BRSK2: variants seen among roughly 807,000 people sequenced by gnomAD.
The protein encoded by BRSK2 is BR serine/threonine kinase 2, also known as serine/threonine-protein kinase BRSK2.
BRSK2 carries 19 observed loss-of-function variants against 83.3 expected under a neutral mutation model. The observed-to-expected ratio is 0.23, with a 90% CI of 0.16 to 0.33. The LOEUF (loss-of-function observed/expected upper bound fraction) is 0.33. Ranked by LOEUF, BRSK2 falls within the 10% of genes least tolerant of loss-of-function variation. BRSK2 has a pLI of 1.00. For missense variants in BRSK2, 798 were observed against 1,042.3 expected (o/e 0.77, Z 3.23); for synonymous variants, 519 against 435.4 (o/e 1.19, Z -2.39).
chr11:1,459,933 G>A (rs956985910), intron 19 of BRSK2, among the ~76,000 whole-genome samples: 1 of 152,164 alleles, frequency 6.6e-6, no homozygotes, highest in Non-Finnish European at 1.5e-5. Flanking sequence ...AGGTGTGGTG[G>A]GCACACCCTC....
At chr11:1,429,151 GGT>G (rs748346531) in intron 1 of BRSK2, among the ~76,000 whole-genome samples, 37 of 148,140 alleles carry the variant, frequency 2.5e-4, no homozygotes, top group Non-Finnish European at 4.1e-4. Context: ...CGTGTGCATG[GGT>G]GTGTGTGCAC....
At chr11:1,421,930 G>A (rs1036162197) in intron 1 of BRSK2, among the ~76,000 whole-genome samples, 6 of 151,524 alleles carry the variant, frequency 4.0e-5, no homozygotes, top group Non-Finnish European at 5.9e-5. Flanking sequence ...TGAGCACGGC[G>A]GCCTGACCAG....
intron 13 of BRSK2, among the ~76,000 whole-genome samples, 176 bp from the exon 14 acceptor site, chr11:1,450,411 A>G (rs1032698145): frequency 1.4e-4 from 22 of 152,014 alleles, no homozygotes; most frequent in Non-Finnish European, 2.6e-4. Context: ...CTGACCGACA[A>G]GCCTCTGCAG....
intron 1 of BRSK2, among the ~76,000 whole-genome samples, chr11:1,429,573 G>A (rs1348367721): frequency 6.7e-6 from 1 of 150,168 alleles, no homozygotes; most frequent in Admixed American, 6.6e-5. Flanking sequence ...TTTTGCCACT[G>A]TGCTCAGCAG....
intron 1 of BRSK2, among the ~76,000 whole-genome samples, chr11:1,404,406 C>T (rs1846692481): frequency 6.6e-6 from 1 of 152,204 alleles, no homozygotes; most frequent in African/African-American, 2.4e-5. Flanking sequence ...CCTGCCTCAG[C>T]CTCCCAGGAC....
chr11:1,454,380 C>T lies in BRSK2; in HGVS notation c.1545-105C>T, dbSNP rs530039447. 1.5e-5 allele frequency: 21 copies of T among 1,375,728 alleles called. No individual in the cohort carries two copies. In the East Asian group the frequency reaches 2.3e-4, roughly 15 times the overall value. The allele number at this position is 1,375,728 out of a possible 1,614,324, so 85.2% of individuals were successfully genotyped here. ...ACTGTGGAGACAGCCGTTTCTATCA[C>T]GAAGCGATGGAAGATTCCGCCGTTC... On this transcript the variant is annotated intron_variant, in intron 15 of 19. Coordinates refer to ENST00000528841, the MANE Select transcript of BRSK2 (RefSeq NM_001256627.2). The surrounding 1 kb of genome is among the most constrained non-coding windows in gnomAD (Gnocchi z 5.2).
chr11:1,461,126 C>A lies in BRSK2; in HGVS notation c.*403C>A. ...TCCACCCCGCGGCAGCTCCTCGCCT[C>A]AGCTCCGCACGGCCCGTGGGAGGAA... On this transcript the variant is annotated 3_prime_UTR_variant, in exon 20 of 20. Transcript: ENST00000528841. 7.7e-7 allele frequency: 1 copy of A among 1,305,086 alleles called. No homozygotes were observed. Among genetic ancestry groups the A allele is most frequent in the Non-Finnish European group, 1.0e-6 (1 of 953,388 alleles). 80.8% of individuals were successfully genotyped at this position (1,305,086 alleles called of 1,614,324 possible). A position where few individuals can be genotyped will look rare whatever the true frequency, so the allele number is the denominator to read the frequency against.
At chr11:1,424,727 C>T (rs964333261) in intron 1 of BRSK2, among the ~76,000 whole-genome samples, 7 of 138,492 alleles carry the variant, frequency 5.1e-5, no homozygotes, top group Non-Finnish European at 7.8e-5. Flanking sequence ...ACTGTTTGGA[C>T]AGAGGGAGTC....
chr11:1,421,101 G>C (rs1339263814), intron 1 of BRSK2, among the ~76,000 whole-genome samples: 3 of 152,194 alleles, frequency 2.0e-5, no homozygotes, highest in Non-Finnish European at 2.9e-5. Context: ...TGGGCTCCTG[G>C]CTTGGCTGAC....
At chr11:1,444,210 G>T (rs532248015) in intron 8 of BRSK2, among the ~76,000 whole-genome samples, 2 of 152,132 alleles carry the variant, frequency 1.3e-5, no homozygotes, top group African/African-American at 4.8e-5. Flanking sequence ...TCCAGGCAGC[G>T]TGAATAGTTC....
intron 1 of BRSK2, among the ~76,000 whole-genome samples, chr11:1,425,263 G>A (rs2132889219): frequency 6.6e-6 from 1 of 152,344 alleles, no homozygotes. Flanking sequence ...GCGTCACCCA[G>A]GGCTGCCTGA....
In BRSK2 at chr11:1,404,506, G is replaced by A. The variant is rs376815865; in HGVS notation, c.91+14131G>A. Among the ~76,000 whole-genome samples, 56 of 152,344 alleles carry A rather than the reference G, an allele frequency of 3.7e-4. 1 individual carries two copies. The highest frequency in any genetic ancestry group is 1.3e-3 in the African/African-American group (53 of 41,584). On this transcript the variant is annotated intron_variant, in intron 1 of 19. Coordinates refer to ENST00000528841, the MANE Select transcript of BRSK2 (RefSeq NM_001256627.2). ...CGTCCCTGTCCCAGCACCCAGAGGAGGTTGGGGTGGGGAAAGGTCCTCGGG... is the reference window on the plus strand; with the variant it reads ...CGTCCCTGTCCCAGCACCCAGAGGAAGTTGGGGTGGGGAAAGGTCCTCGGG...
chr11:1,390,156 C>T lies in BRSK2; in HGVS notation c.-129C>T, dbSNP rs1590270194. 1 of 275,778 alleles carries T rather than the reference C, an allele frequency of 3.6e-6. No homozygotes were observed. The highest frequency in any genetic ancestry group is 1.8e-4 in the East Asian group (1 of 5,454). 17.1% of individuals were successfully genotyped at this position (275,778 alleles called of 1,614,324 possible). A position where few individuals can be genotyped will look rare whatever the true frequency, so the allele number is the denominator to read the frequency against. On this transcript the variant is annotated 5_prime_UTR_variant, in exon 1 of 20. Coordinates refer to ENST00000528841, the MANE Select transcript of BRSK2 (RefSeq NM_001256627.2). This position sits in a 1 kb window ranked among gnomAD's most constrained non-coding sequence, Gnocchi z 6.8. ...GCGGGCGGACGCGGGCGGCGCGAAG[C>T]AGCGGGGCCCGCGGGGGCGCCCCGG...
chr11:1,395,550 C>T (rs368618193), intron 1 of BRSK2, among the ~76,000 whole-genome samples: 25 of 152,176 alleles, frequency 1.6e-4, no homozygotes, highest in East Asian at 9.7e-4. Context: ...TTCCCCTAGG[C>T]GGGGGCGGGA....
intron 1 of BRSK2, among the ~76,000 whole-genome samples, chr11:1,406,101 G>A (rs372612653): frequency 1.9e-4 from 29 of 152,002 alleles, no homozygotes; most frequent in African/African-American, 4.8e-4. Flanking sequence ...CTCGGCCAGC[G>A]GCTCCTCCTG....
In BRSK2 at chr11:1,445,656, C is replaced by G; in HGVS notation, c.1063C>G (p.Arg355Gly). ...CCAGGAGGATGAGGACCTGCCCCCCCGGAACGAGATAGGTATGGGTCCAGG... is the reference window on the plus strand; with the variant it reads ...CCAGGAGGATGAGGACCTGCCCCCCGGGAACGAGATAGGTATGGGTCCAGG... ...PSQEDEDLPPRNEIDPPRKRV... is the reference protein window; with the variant it reads ...PSQEDEDLPPGNEIDPPRKRV... The change falls in exon 11 of 20, where the codon CGG (arginine) becomes GGG (glycine). Residue 355 changes from arginine (R) to glycine (G), a missense_variant. Coordinates refer to ENST00000528841, the MANE Select transcript of BRSK2 (RefSeq NM_001256627.2). 1.9e-6 allele frequency: 3 copies of G among 1,597,924 alleles called. No individual in the cohort carries two copies. Among genetic ancestry groups the G allele is most frequent in the Non-Finnish European group, 2.6e-6 (3 of 1,172,760 alleles).
rs564172112 is a variant in BRSK2, at chr11:1,449,055, G to A, written c.1227-721G>A. Reference sequence around the variant, plus strand: ...ATGGCAGCTGCCACTGTCTGGGCACGTGGGCGCCGGCTCGTCCGTGCAGTG... The same window carrying A: ...ATGGCAGCTGCCACTGTCTGGGCACATGGGCGCCGGCTCGTCCGTGCAGTG... On this transcript the variant is annotated intron_variant, in intron 12 of 19. Transcript: ENST00000528841. Among the ~76,000 whole-genome samples, 6 of 152,354 alleles carry A rather than the reference G, an allele frequency of 3.9e-5. No individual in the cohort carries two copies. The East Asian group carries it at 1.2e-3, about 29-fold the overall frequency.
At chr11:1,421,847 C>T (rs1473533629) in intron 1 of BRSK2, among the ~76,000 whole-genome samples, 1 of 151,950 alleles carries the variant, frequency 6.6e-6, no homozygotes, top group Non-Finnish European at 1.5e-5. Flanking sequence ...AGGCCCCTCT[C>T]GGGGCAGGTG....
intron 18 of BRSK2, among the ~76,000 whole-genome samples, chr11:1,457,893 A>G (rs12800171): frequency 0.057 from 8,696 of 152,214 alleles, 308 homozygotes; most frequent in East Asian, 0.084. Flanking sequence ...GTGGAGGAGT[A>G]GCCCCCTTCT....
Sources: gnomAD v4.1 joint callset for allele counts (sites outside exome capture counted in the v4.1 genomes callset) on GRCh38, gnomAD v4.1.1 for gene constraint, Gnocchi (gnomAD v3.1) non-coding constraint, MANE v1.5 for transcripts, NCBI Gene and HGNC (gene_info 2026-07-23, HGNC 2026-07-21) for gene names.